Variants in FHIT observed in about 807,000 individuals in gnomAD.
FHIT encodes the protein bis(5'-adenosyl)-triphosphatase.
FHIT carries 19 observed loss-of-function variants against 17.9 expected under a neutral mutation model. The observed-to-expected ratio is 1.06, with a 90% CI of 0.74 to 1.56. FHIT has a LOEUF of 1.56. Ranked by LOEUF, FHIT falls within the 40% of genes most tolerant of loss-of-function variation. The probability of loss-of-function intolerance (pLI) is 0.00; values close to 1 mark genes in which losing one functional copy is unlikely to be tolerated. For synonymous variants in FHIT, 81 were observed against 69.7 expected (o/e 1.16, Z -0.81); for missense variants, 248 against 189.2 (o/e 1.31, Z -1.82).
At position 60,332,318 on chromosome 3, in the gene FHIT, TACCCAA is replaced by T. The variant is rs1163723282; in HGVS notation, c.103+204536_103+204541del. 2.0e-5 allele frequency among the ~76,000 whole-genome samples: 3 copies of T among 152,178 alleles called. No individual in the cohort carries two copies. In the East Asian group the frequency reaches 5.8e-4, roughly 29 times the overall value. On this transcript the variant is annotated intron_variant, in intron 5 of 9. Coordinates refer to ENST00000492590, the MANE Select transcript of FHIT (RefSeq NM_002012.4). ...CTGTGGCACTGCTGCCTTTCCAACC[TACCCAA>T]GATGACTGAGCCTCTGGCCTGATCA...
rs546380347 is a variant in FHIT at position 61,165,253 on chromosome 3, G to C, written c.-164+35364C>G. Among the ~76,000 whole-genome samples, 22 of 152,164 alleles carry C rather than the reference G, an allele frequency of 1.4e-4. 1 individual carries two copies. The highest frequency in any genetic ancestry group is 5.3e-4 in the African/African-American group (22 of 41,520). On this transcript the variant is annotated intron_variant, in intron 2 of 9. Transcript: ENST00000492590. The stretch of plus-strand genomic sequence containing the variant: ...AGTGGCTGACCTAATTTACATTCTC[G>C]ACAACAGTTTATAAGCATCCTTTTT...
At chr3:60,708,505 T>C (rs536310498) in intron 4 of FHIT, among the ~76,000 whole-genome samples, 116 of 152,326 alleles carry the variant, frequency 7.6e-4, no homozygotes, top group African/African-American at 2.8e-3. Context: ...CTTTGAGACC[T>C]GAAAAACAAT....
chr3:60,815,258 A>C (rs1701699496), intron 4 of FHIT, among the ~76,000 whole-genome samples: 1 of 151,856 alleles, frequency 6.6e-6, no homozygotes, highest in Non-Finnish European at 1.5e-5. Context: ...CTCACTTGTC[A>C]ATTTTTGGTT....
intron 8 of FHIT, among the ~76,000 whole-genome samples, chr3:59,869,246 C>G (rs1359412428): frequency 6.6e-6 from 1 of 152,100 alleles, no homozygotes; most frequent in Non-Finnish European, 1.5e-5. Flanking sequence ...CCAACAAGCT[C>G]AACTAGTTTA....
Position 60,858,450 on chromosome 3 carries a change from T to C in FHIT, c.-110-36439A>G, listed in dbSNP as rs573970839. 2.6e-5 allele frequency among the ~76,000 whole-genome samples: 4 copies of C among 152,222 alleles called. No homozygotes were observed. The East Asian group carries it at 7.7e-4, about 29-fold the overall frequency. On this transcript the variant is annotated intron_variant, in intron 3 of 9. Transcript: ENST00000492590. ...CAGCTTTCAGACCCTGAAAACTCGA[T>C]TAAAACATTCCAGGAAACCGCTGCA...
At chr3:60,695,363 T>A (rs2107895216) in intron 4 of FHIT, among the ~76,000 whole-genome samples, 1 of 152,244 alleles carries the variant, frequency 6.6e-6, no homozygotes, top group East Asian at 1.9e-4. Flanking sequence ...GCCACTGCAC[T>A]CCAGCCTGGG....
rs139158557 is a variant in FHIT, at chr3:60,294,687, G to A, written c.103+242173C>T. Among the ~76,000 whole-genome samples the A allele has an allele frequency of 1.1e-4, 17 of 152,030 alleles. No homozygotes were observed. The East Asian group carries it at 2.9e-3, about 26-fold the overall frequency. On this transcript the variant is annotated intron_variant, in intron 5 of 9. Transcript: ENST00000492590. ...TTTCTGGCCACATTAATTTGCTCCC[G>A]CCCTCACTCCTCTAACCATCCTTAA...
chr3:60,223,845 T>C (rs1428556416), intron 5 of FHIT, among the ~76,000 whole-genome samples: 3 of 152,112 alleles, frequency 2.0e-5, no homozygotes, highest in African/African-American at 7.2e-5. Context: ...AGTCACTCCA[T>C]GGCTGACTTG....
chr3:60,401,604 G>C (rs1174511633), intron 5 of FHIT, among the ~76,000 whole-genome samples: 4 of 151,948 alleles, frequency 2.6e-5, no homozygotes, highest in Non-Finnish European at 5.9e-5. Flanking sequence ...TCCCTCCACT[G>C]TTAGTCCCCG....
intron 5 of FHIT, among the ~76,000 whole-genome samples, chr3:60,097,691 CAATT>C (rs1456906477): frequency 6.6e-6 from 1 of 151,372 alleles, no homozygotes; most frequent in Non-Finnish European, 1.5e-5. Context: ...TTAATTCTAC[CAATT>C]AATTTTTTCT....
rs145360772 is a variant in FHIT, at chr3:60,052,752, T to C, written c.104-38600A>G. 3.5e-3 allele frequency among the ~76,000 whole-genome samples: 521 copies of C among 148,218 alleles called. 2 individuals carry two copies. Among genetic ancestry groups the C allele is most frequent in the African/African-American group, 0.012 (489 of 40,814 alleles). On this transcript the variant is annotated intron_variant, in intron 5 of 9. Coordinates refer to ENST00000492590, the MANE Select transcript of FHIT (RefSeq NM_002012.4). Reference sequence around the variant, plus strand: ...GGAAAAAGTATGTCTAAAATATATATACATAGTGTATATAAATATATATTA... The same window carrying C: ...GGAAAAAGTATGTCTAAAATATATACACATAGTGTATATAAATATATATTA...
In FHIT at chr3:60,288,620, TG is replaced by T. The variant is rs1559792074; in HGVS notation, c.103+248239del. 2.0e-5 allele frequency among the ~76,000 whole-genome samples: 3 copies of T among 151,588 alleles called. No homozygotes were observed. In the South Asian group the frequency reaches 6.3e-4, roughly 32 times the overall value. ...GTGTGTGTGTGGAGGGGGGTGTGGG[TG>T]TGTGCACGCACACATGCCTGGGTCC... On this transcript the variant is annotated intron_variant, in intron 5 of 9. Coordinates refer to ENST00000492590, the MANE Select transcript of FHIT (RefSeq NM_002012.4).
intron 5 of FHIT, among the ~76,000 whole-genome samples, chr3:60,258,130 T>A (rs887267213): frequency 1.3e-5 from 2 of 150,516 alleles, no homozygotes; most frequent in African/African-American, 4.9e-5. Flanking sequence ...CACTCCATCA[T>A]ATATCAGCAG....
At chr3:60,055,521 G>A (rs929156418) in intron 5 of FHIT, among the ~76,000 whole-genome samples, 5 of 150,980 alleles carry the variant, frequency 3.3e-5, no homozygotes, top group Admixed American at 6.6e-5. Context: ...TAAAGATGGT[G>A]CAGTTCAGAG....
intron 5 of FHIT, among the ~76,000 whole-genome samples, chr3:60,396,460 C>G (rs1030345544): frequency 6.6e-6 from 1 of 152,092 alleles, no homozygotes; most frequent in African/African-American, 2.4e-5. Context: ...CAGGGTGAAA[C>G]AAACATTATT....
chr3:61,080,068 A>C (rs1223891733), intron 2 of FHIT, among the ~76,000 whole-genome samples: 1 of 152,178 alleles, frequency 6.6e-6, no homozygotes. Flanking sequence ...GAAGTCAAAC[A>C]AACATTTAAA....
chr3:60,860,425 G>GTATACATGAC (rs1412059907), intron 3 of FHIT, among the ~76,000 whole-genome samples: 9 of 130,066 alleles, frequency 6.9e-5, no homozygotes, highest in Non-Finnish European at 1.0e-4. Context: ...ATGTATATAT[G>GTATACATGAC]ATACATATAT....
intron 7 of FHIT, among the ~76,000 whole-genome samples, chr3:59,999,927 T>C (rs1245695222): frequency 6.6e-6 from 1 of 152,120 alleles, no homozygotes; most frequent in Non-Finnish European, 1.5e-5. Flanking sequence ...AATTTAAATG[T>C]CTGGAAGTAA....
chr3:60,210,653 G>T (rs1033376247), intron 5 of FHIT, among the ~76,000 whole-genome samples: 1 of 152,080 alleles, frequency 6.6e-6, no homozygotes. Context: ...AAATACACTG[G>T]ACTGTGCTGT....
Sources: allele counts gnomAD v4.1 joint callset (sites outside exome capture counted in the v4.1 genomes callset), GRCh38; gene constraint gnomAD v4.1.1; transcripts MANE v1.5; gene names NCBI Gene and HGNC (gene_info 2026-07-23, HGNC 2026-07-21).